NKAIN3: variants seen among roughly 807,000 people sequenced by gnomAD.
NKAIN3 encodes sodium/potassium-transporting ATPase subunit beta-1-interacting protein 3.
NKAIN3 carries 25 observed loss-of-function variants against 30.2 expected under a neutral mutation model. The observed-to-expected ratio is 0.83, with a 90% confidence interval of 0.60 to 1.16. The LOEUF (loss-of-function observed/expected upper bound fraction) is 1.16. Ranked by LOEUF, NKAIN3 falls within the 50% of genes most tolerant of loss-of-function variation. The pLI, the probability that NKAIN3 is intolerant of heterozygous loss-of-function variation, is 0.00. For synonymous variants in NKAIN3, 91 were observed against 89.6 expected (o/e 1.02, Z -0.09); for missense variants, 225 against 254.1 (o/e 0.89, Z 0.78).
chr8:62,772,957 C>T (rs1370185808), intron 4 of NKAIN3, among the ~76,000 whole-genome samples: 1 of 152,100 alleles, frequency 6.6e-6, no homozygotes, highest in Non-Finnish European at 1.5e-5. Context: ...CCACGCCCGG[C>T]TCTTTTGCCC....
chr8:62,465,101 A>G (rs984468898), intron 1 of NKAIN3, among the ~76,000 whole-genome samples: 2 of 152,192 alleles, frequency 1.3e-5, no homozygotes, highest in African/African-American at 4.8e-5. Flanking sequence ...TTATTTTCAA[A>G]TATTCAAGCT....
chr8:62,613,315 T>C (rs866373045), intron 3 of NKAIN3, among the ~76,000 whole-genome samples: 1 of 152,274 alleles, frequency 6.6e-6, no homozygotes, highest in Middle Eastern at 3.4e-3. Context: ...AAAAGTTATT[T>C]TCCTTCAGGG....
At chr8:62,618,234 A>G (rs1811520384) in intron 3 of NKAIN3, among the ~76,000 whole-genome samples, 1 of 152,170 alleles carries the variant, frequency 6.6e-6, no homozygotes, top group Non-Finnish European at 1.5e-5. Flanking sequence ...CTGAGAAATT[A>G]AAATCTCTAG....
At chr8:62,721,783 CCTT>C (rs1241341815) in intron 3 of NKAIN3, among the ~76,000 whole-genome samples, 1 of 152,130 alleles carries the variant, frequency 6.6e-6, no homozygotes, top group Admixed American at 6.6e-5. Context: ...TTTGAAGACT[CCTT>C]GTGTGTTATT....
intron 2 of NKAIN3, 134 bp downstream of exon 2, chr8:62,579,810 T>G: frequency 2.2e-6 from 1 of 454,284 alleles, no homozygotes; most frequent in East Asian, 3.5e-5. Flanking sequence ...TGTTAAATTT[T>G]GTTAAGAAGT....
At chr8:62,489,321 A>C (rs1161354882) in intron 1 of NKAIN3, among the ~76,000 whole-genome samples, 1 of 152,032 alleles carries the variant, frequency 6.6e-6, no homozygotes, top group African/African-American at 2.4e-5. Context: ...CACCACGCCC[A>C]GCTGTCTAAG....
At chr8:62,645,050 T>C (rs1412455883) in intron 3 of NKAIN3, among the ~76,000 whole-genome samples, 2 of 152,158 alleles carry the variant, frequency 1.3e-5, no homozygotes, top group Non-Finnish European at 2.9e-5. Context: ...TTGATTAGGT[T>C]ATCTGTCACC....
intron 1 of NKAIN3, among the ~76,000 whole-genome samples, chr8:62,493,892 T>C (rs1563424231): frequency 6.6e-6 from 1 of 152,174 alleles, no homozygotes; most frequent in Non-Finnish European, 1.5e-5. Flanking sequence ...GACACTTTGC[T>C]GAAGTTGTTT....
At chr8:62,741,789 T>A (rs769201972) in intron 3 of NKAIN3, among the ~76,000 whole-genome samples, 9 of 152,222 alleles carry the variant, frequency 5.9e-5, no homozygotes, top group Non-Finnish European at 1.3e-4. Flanking sequence ...TGCTCTCCTG[T>A]TAATTTGCCT....
chr8:62,422,438 G>T (rs1804671571), intron 1 of NKAIN3, among the ~76,000 whole-genome samples: 1 of 152,088 alleles, frequency 6.6e-6, no homozygotes, highest in Admixed American at 6.6e-5. Context: ...ATAACTTTGA[G>T]AAGAGTTAAT....
intron 1 of NKAIN3, among the ~76,000 whole-genome samples, chr8:62,475,634 C>T (rs917810667): frequency 1.3e-5 from 2 of 152,138 alleles, no homozygotes; most frequent in African/African-American, 4.8e-5. Context: ...CCTCAACTGA[C>T]TGAACCTCTG....
At chr8:62,753,834 A>G (rs889115881) in intron 4 of NKAIN3, among the ~76,000 whole-genome samples, 1 of 152,146 alleles carries the variant, frequency 6.6e-6, no homozygotes, top group African/African-American at 2.4e-5. Flanking sequence ...AGTGTTATTT[A>G]TAACAGCAAA....
chr8:62,287,665 CTT>C (rs370665719), intron 1 of NKAIN3, among the ~76,000 whole-genome samples: 1 of 152,026 alleles, frequency 6.6e-6, no homozygotes, highest in African/African-American at 2.4e-5. Context: ...TAAAATTTCT[CTT>C]AGGAGTTTTT....
At chr8:62,769,705 C>A (rs1816956137) in intron 4 of NKAIN3, among the ~76,000 whole-genome samples, 1 of 152,190 alleles carries the variant, frequency 6.6e-6, no homozygotes, top group Non-Finnish European at 1.5e-5. Flanking sequence ...GCCTCTTTTA[C>A]CCTAATTCAA....
intron 3 of NKAIN3, among the ~76,000 whole-genome samples, chr8:62,596,897 G>A (rs896937845): frequency 1.3e-5 from 2 of 152,100 alleles, no homozygotes; most frequent in Non-Finnish European, 2.9e-5. Context: ...CAAGTGCACA[G>A]TTACAGCACT....
intron 4 of NKAIN3, among the ~76,000 whole-genome samples, chr8:62,827,248 A>G (rs1429314851): frequency 6.6e-6 from 1 of 152,170 alleles, no homozygotes; most frequent in Non-Finnish European, 1.5e-5. Flanking sequence ...GTAACAAAAG[A>G]CTAAGAGAGC....
At chr8:62,429,334 C>T (rs1804921363) in intron 1 of NKAIN3, among the ~76,000 whole-genome samples, 1 of 151,886 alleles carries the variant, frequency 6.6e-6, no homozygotes, top group African/African-American at 2.4e-5. Context: ...TGAATTTTAT[C>T]AAATGCTCTT....
At chr8:62,858,210 G>T (rs1416904199) in intron 4 of NKAIN3, among the ~76,000 whole-genome samples, 1 of 152,154 alleles carries the variant, frequency 6.6e-6, no homozygotes, top group Non-Finnish European at 1.5e-5. Flanking sequence ...TAGCAAAGAT[G>T]GCAGCCTGCC....
At chr8:62,274,715 A>C (rs1812878852) in intron 1 of NKAIN3, among the ~76,000 whole-genome samples, 1 of 151,886 alleles carries the variant, frequency 6.6e-6, no homozygotes, top group Non-Finnish European at 1.5e-5. Flanking sequence ...ATTTAGCATT[A>C]GGTTTATCTC....
Sources: allele counts gnomAD v4.1 joint callset (sites outside exome capture counted in the v4.1 genomes callset), GRCh38; gene constraint gnomAD v4.1.1; transcripts MANE v1.5; gene names NCBI Gene and HGNC (gene_info 2026-07-23, HGNC 2026-07-21).